Variants in FBN3 observed in about 807,000 individuals in gnomAD.
The protein encoded by FBN3 is fibrillin 3.
FBN3 carries 234 observed loss-of-function variants against 330.1 expected under a neutral mutation model. That is an observed-to-expected ratio of 0.71 (90% CI 0.64 to 0.79). The LOEUF is 0.79. Ranked by LOEUF, FBN3 falls within the 30% of genes least tolerant of loss-of-function variation. The pLI, the probability that FBN3 is intolerant of heterozygous loss-of-function variation, is 0.00. For missense variants in FBN3, 3,606 were observed against 3,886.9 expected (o/e 0.93, Z 1.92); for synonymous variants, 1,458 against 1,517.3 (o/e 0.96, Z 0.91).
Position 8,142,122 on chromosome 19 carries a change from G to A in FBN3, c.557C>T (p.Pro186Leu), listed in dbSNP as rs540172846. 8.7e-6 allele frequency: 14 copies of A among 1,609,620 alleles called. No homozygotes were observed. The highest frequency in any genetic ancestry group is 1.3e-5 in the African/African-American group (1 of 74,866). ...PQCERDYRTG[P>L]CFGQVGPEGC... The stretch of plus-strand genomic sequence containing the variant: ...CTCGGGGCCTACTTGGCCAAAGCAG[G>A]GTCCCGTCCGGTAATCTGCAGGGCA... Residue 186 changes from proline to leucine, a missense_variant, in exon 7 of 64, where the codon CCC becomes CTC. Pro to Leu is a moderately conservative substitution (Grantham distance 98). Transcript: ENST00000600128.
In FBN3 at chr19:8,126,230, G is replaced by A. The variant is rs1045340084; in HGVS notation, c.2605+67C>T. The stretch of plus-strand genomic sequence containing the variant: ...GCGGGGCCGGAGGTGGCACCCATGA[G>A]GGTGGTGCGCCTGGTTGTGTGCGGG... On this transcript the variant is annotated intron_variant, in intron 21 of 63. Coordinates refer to ENST00000600128, the MANE Select transcript of FBN3 (RefSeq NM_032447.5). 19 of 1,517,360 alleles carry A rather than the reference G, an allele frequency of 1.3e-5. No homozygotes were observed. In the Admixed American group the frequency reaches 3.1e-4, roughly 25 times the overall value. The allele number at this position is 1,517,360 out of a possible 1,614,324, so 94.0% of individuals were successfully genotyped here. A position where few individuals can be genotyped will look rare whatever the true frequency, so the allele number is the denominator to read the frequency against.
At chr19:8,146,440 G>A (rs2083549312) in intron 3 of FBN3, among the ~76,000 whole-genome samples, 2 of 152,210 alleles carry the variant, frequency 1.3e-5, no homozygotes. Context: ...CTGTGGGTTG[G>A]GGACTCTGCT....
intron 56 of FBN3, 26 bp downstream of exon 56, chr19:8,085,337 G>A: frequency 6.5e-7 from 1 of 1,547,092 alleles, no homozygotes; most frequent in Non-Finnish European, 8.7e-7. Context: ...TGCCTCCCTG[G>A]GGGTCCTGAG....
At chr19:8,083,481 C>T in intron 56 of FBN3, 109 bp from the exon 57 acceptor site, 2 of 1,347,510 alleles carry the variant, frequency 1.5e-6, no homozygotes, top group Non-Finnish European at 2.1e-6. Flanking sequence ...AAAGTCCAGC[C>T]TCCCTTCCAC....
intron 26 of FBN3, 107 bp downstream of exon 26, chr19:8,118,790 T>C: frequency 7.2e-7 from 1 of 1,391,008 alleles, no homozygotes; most frequent in East Asian, 2.3e-5. Context: ...GAAAGACAGA[T>C]ACACATGCCC....
At chr19:8,089,032 AAATGAGTG>A (rs2082032136) in intron 51 of FBN3, among the ~76,000 whole-genome samples, 2 of 152,050 alleles carry the variant, frequency 1.3e-5, no homozygotes, top group Admixed American at 1.3e-4. Context: ...GTGAGGGGGC[AAATGAGTG>A]AATGAGTGAA....
intron 18 of FBN3, among the ~76,000 whole-genome samples, chr19:8,128,302 G>A (rs550162069): frequency 1.6e-4 from 25 of 152,228 alleles, no homozygotes; most frequent in African/African-American, 4.8e-4. Context: ...AGTGGCTCGC[G>A]CCTATAATCC....
At chr19:8,146,329 G>T in intron 3 of FBN3, 104 bp from the exon 4 acceptor site, 1 of 893,928 alleles carries the variant, frequency 1.1e-6, no homozygotes, top group Non-Finnish European at 1.8e-6. Context: ...GACGCTGCTG[G>T]TCATCTGCAT....
chr19:8,081,992 C>G (rs1440860617), intron 57 of FBN3, among the ~76,000 whole-genome samples: 1 of 140,056 alleles, frequency 7.1e-6, no homozygotes, highest in Non-Finnish European at 1.6e-5. Context: ...GAGACGGAGT[C>G]TCGTTTCATC....
Position 8,087,160 on chromosome 19 carries a change from T to C in FBN3, c.6671A>G (p.Glu2224Gly), listed in dbSNP as rs2081982306. The change falls in exon 54 of 64, where the codon GAG becomes GGG. Residue 2224 changes from glutamate to glycine, a missense_variant. Coordinates refer to ENST00000600128, the MANE Select transcript of FBN3 (RefSeq NM_032447.5). ...GAAGGTACCGATGAGGTTCTTGCAC[T>C]CCATGCCCCGGGCGTGGCAGTCCTG... is the stretch of plus-strand genomic sequence containing the variant. ...GQQDCHARGMECKNLIGTFAC... is the reference protein window; with the variant it reads ...GQQDCHARGMGCKNLIGTFAC... 1.2e-6 allele frequency: 2 copies of C among 1,608,768 alleles called. No individual in the cohort carries two copies. The highest frequency in any genetic ancestry group is 1.3e-5 in the African/African-American group (1 of 74,750).
At chr19:8,134,833 C>T (rs1229948446) in intron 13 of FBN3, among the ~76,000 whole-genome samples, 2 of 151,640 alleles carry the variant, frequency 1.3e-5, no homozygotes, top group African/African-American at 4.8e-5. Flanking sequence ...ACTCAGGAGG[C>T]TGAGGCAGGA....
intron 61 of FBN3, among the ~76,000 whole-genome samples, chr19:8,074,019 G>A (rs1015350891): frequency 6.6e-6 from 1 of 152,112 alleles, no homozygotes; most frequent in Non-Finnish European, 1.5e-5. Flanking sequence ...TGTACTATGG[G>A]GGTAAAATGG....
intron 59 of FBN3, among the ~76,000 whole-genome samples, chr19:8,077,852 A>G (rs1599273205): frequency 6.6e-6 from 1 of 152,152 alleles, no homozygotes; most frequent in East Asian, 1.9e-4. Context: ...CGAGATGGGC[A>G]GATTGCTTGA....
At chr19:8,075,992 T>C (rs2145383421) in intron 59 of FBN3, among the ~76,000 whole-genome samples, 1 of 152,008 alleles carries the variant, frequency 6.6e-6, no homozygotes, top group East Asian at 1.9e-4. Flanking sequence ...CTTTGGGAGG[T>C]GATCAGGGTT....
chr19:8,102,640 T>A, intron 40 of FBN3, 84 bp downstream of exon 40: 1 of 1,380,886 alleles, frequency 7.2e-7, no homozygotes, highest in East Asian at 2.3e-5. Context: ...AGGATTAATC[T>A]AAGAACCCTA....
chr19:8,071,558 G>C (rs1352398882), intron 63 of FBN3, among the ~76,000 whole-genome samples: 2 of 152,190 alleles, frequency 1.3e-5, no homozygotes, highest in African/African-American at 2.4e-5. Flanking sequence ...AGCCCAGAGG[G>C]ATGCACAGAA....
intron 41 of FBN3, among the ~76,000 whole-genome samples, chr19:8,098,166 T>G (rs1054661235): frequency 4.6e-5 from 7 of 151,978 alleles, no homozygotes; most frequent in Non-Finnish European, 1.0e-4. Flanking sequence ...AGCTGTTATA[T>G]ATAAACAATC....
intron 29 of FBN3, among the ~76,000 whole-genome samples, chr19:8,116,287 T>C (rs1163727536): frequency 6.6e-6 from 1 of 151,934 alleles, no homozygotes; most frequent in Non-Finnish European, 1.5e-5. Context: ...GAGTTCTGAG[T>C]CTCTTTCCTG....
rs757825234 is a variant in FBN3 at position 8,097,267 on chromosome 19, TGGGAACAGGGAGA to T, written c.5287+9_5287+21del. ...ATGCATCCCACCCAGGCCCCAGGGC[TGGGAACAGGGAGA>T]GGTGGCACCTTCACAAGCCAGCAGG... On this transcript the variant is annotated intron_variant, in intron 42 of 63. Coordinates refer to ENST00000600128, the MANE Select transcript of FBN3 (RefSeq NM_032447.5). 200 of 1,596,592 alleles carry T rather than the reference TGGGAACAGGGAGA, an allele frequency of 1.3e-4. 1 individual carries two copies. In the African/African-American group the frequency reaches 2.5e-3, roughly 20 times the overall value.
Sources: allele counts gnomAD v4.1 joint callset (sites outside exome capture counted in the v4.1 genomes callset), GRCh38; gene constraint gnomAD v4.1.1; transcripts MANE v1.5; gene names NCBI Gene and HGNC (gene_info 2026-07-23, HGNC 2026-07-21).